Variants in ERAP1 observed in about 807,000 individuals in gnomAD.
ERAP1 encodes endoplasmic reticulum aminopeptidase 1, also known as adipocyte-derived leucine aminopeptidase.
Under a neutral mutation model 103.7 loss-of-function variants are expected in ERAP1, and 86 were observed. The observed-to-expected ratio is 0.83, with a 90% CI of 0.70 to 0.99. ERAP1 has a LOEUF of 0.99. Ranked by LOEUF, ERAP1 falls within the 50% of genes least tolerant of loss-of-function variation. ERAP1 has a pLI of 0.00. For synonymous variants in ERAP1, 398 were observed against 402.4 expected (o/e 0.99, Z 0.13); for missense variants, 1,009 against 1,128.4 (o/e 0.89, Z 1.52).
intron 19 of ERAP1, chr5:96,768,149 T>G: frequency 1.5e-6 from 1 of 667,132 alleles, no homozygotes; most frequent in Non-Finnish European, 2.7e-6. Context: ...AGTGGTGTGA[T>G]CTCAGCTTAC....
chr5:96,934,056 A>C, the ERAP1 span: 1 of 152,338 alleles, frequency 6.6e-6, no homozygotes, highest in African/African-American at 2.4e-5. Context: ...GCAGCAGTGG[A>C]AGTGAACTCT....
At position 96,803,496 on chromosome 5, in the gene ERAP1, G is replaced by A. The variant is rs140515309; in HGVS notation, c.431C>T (p.Pro144Leu). ...LAPEPLLVGL[P>L]YTVVIHYAGN... ...AGCATAGTGAATGACAACTGTGTAC[G>A]GGAGCCCGACAAGGAGGGGCTCGGG... Residue 144 changes from proline (P) to leucine (L), a missense_variant, in exon 2 of 19, where the codon CCG (proline) becomes CTG (leucine). Pro to Leu is a moderately conservative substitution (Grantham distance 98, BLOSUM62 -3). This residue lies in a region of ERAP1 where 392 missense variants were observed against 455.2 expected (regional missense o/e 0.86). Coordinates refer to ENST00000443439, the MANE Select transcript of ERAP1 (RefSeq NM_001040458.3). The A allele has an allele frequency of 1.5e-5, 24 of 1,613,362 alleles. No individual in the cohort carries two copies. The highest frequency in any genetic ancestry group is 1.1e-4 in the African/African-American group (8 of 74,834).
intron 1 of ERAP1, among the ~76,000 whole-genome samples, chr5:96,805,115 C>G (rs1435172843): frequency 6.6e-6 from 1 of 151,974 alleles, no homozygotes; most frequent in Admixed American, 6.6e-5. Context: ...TCCTCGTGTT[C>G]CAGTTGGGAA....
Position 96,781,040 on chromosome 5 carries a change from A to G in ERAP1, c.2588+18T>C. On this transcript the variant is annotated intron_variant, in intron 17 of 18. Transcript: ENST00000443439. ...TATGAACTTATCCAGTCACAGCACA[A>G]TTTTTGGCACCACTTACTTTTGTAC... The G allele has an allele frequency of 1.2e-6, 2 of 1,613,996 alleles. No homozygotes were observed. The highest frequency in any genetic ancestry group is 3.3e-5 in the Admixed American group (2 of 59,998).
chr5:96,761,037 G>A (rs574495631), exon 20 of ERAP1: 26 of 152,086 alleles, frequency 1.7e-4, no homozygotes, highest in African/African-American at 6.0e-4. Context: ...TCAAAGCATA[G>A]ATCAATGAAA....
At chr5:96,849,675 CATACTACCCA>C in the ERAP1 span, among the ~76,000 whole-genome samples, 2 of 152,026 alleles carry the variant, frequency 1.3e-5, no homozygotes, top group Non-Finnish European at 2.9e-5. Context: ...TTAAAATGTC[CATACTACCCA>C]AAATGATCTA....
chr5:96,828,751 G>C, the ERAP1 span, among the ~76,000 whole-genome samples: 3 of 152,114 alleles, frequency 2.0e-5, no homozygotes, highest in Non-Finnish European at 1.5e-5. Flanking sequence ...GATGAGTGAG[G>C]GGTCTGGAGA....
At chr5:96,933,957 A>T in the ERAP1 span, among the ~76,000 whole-genome samples, 1 of 152,210 alleles carries the variant, frequency 6.6e-6, no homozygotes, top group African/African-American at 2.4e-5. Flanking sequence ...TTAGGGAGAT[A>T]GCAGCTCTGA....
At chr5:96,903,886 A>G in the ERAP1 span, among the ~76,000 whole-genome samples, 2 of 152,132 alleles carry the variant, frequency 1.3e-5, no homozygotes, top group Non-Finnish European at 2.9e-5. Context: ...CAGTGGGCCA[A>G]ACTCTCTTTA....
the ERAP1 span, chr5:96,822,930 G>C: frequency 2.5e-6 from 1 of 400,888 alleles, no homozygotes; most frequent in Non-Finnish European, 5.1e-6. Context: ...CAGGGATACA[G>C]TCTCACCTGA....
At chr5:96,926,748 T>C in the ERAP1 span, among the ~76,000 whole-genome samples, 3 of 152,202 alleles carry the variant, frequency 2.0e-5, no homozygotes, top group African/African-American at 7.2e-5. Context: ...TTGATGGACG[T>C]TTGTGTTGTT....
chr5:96,904,280 C>G, the ERAP1 span, among the ~76,000 whole-genome samples: 1 of 152,272 alleles, frequency 6.6e-6, no homozygotes, highest in African/African-American at 2.4e-5. Flanking sequence ...ACAAGATCAC[C>G]AATGGCTGGA....
chr5:96,873,328 C>T, the ERAP1 span: 1 of 456,106 alleles, frequency 2.2e-6, no homozygotes, highest in African/African-American at 2.0e-5. Flanking sequence ...CTGATAGGTG[C>T]TAGAAAGAGG....
chr5:96,789,486 C>A (rs201454418), intron 10 of ERAP1, among the ~76,000 whole-genome samples: 15 of 147,080 alleles, frequency 1.0e-4, no homozygotes, highest in African/African-American at 1.5e-4. Flanking sequence ...GACTCTGTCT[C>A]AAAAAAAAAA....
At chr5:96,813,380 C>T in the ERAP1 span, among the ~76,000 whole-genome samples, 194 of 152,138 alleles carry the variant, frequency 1.3e-3, no homozygotes, top group African/African-American at 4.4e-3. Context: ...CTAGGCCAGG[C>T]GCGGTGGCTC....
At chr5:96,915,108 A>G in the ERAP1 span, among the ~76,000 whole-genome samples, 1 of 152,034 alleles carries the variant, frequency 6.6e-6, no homozygotes, top group Admixed American at 6.5e-5. Flanking sequence ...CCCGGGTTCA[A>G]GTGACTCTCC....
the ERAP1 span, chr5:96,896,482 T>C: frequency 1.2e-6 from 2 of 1,613,434 alleles, no homozygotes; most frequent in Non-Finnish European, 1.7e-6. Context: ...CAGGAAATGT[T>C]TGATGAAGTT....
chr5:96,889,330 T>C, the ERAP1 span: 165 of 1,613,530 alleles, frequency 1.0e-4, 2 homozygotes, highest in Middle Eastern at 1.3e-3. Flanking sequence ...CACATTATTG[T>C]CTTCATTTTT....
the ERAP1 span, among the ~76,000 whole-genome samples, chr5:96,888,819 T>C: frequency 1.3e-5 from 2 of 152,194 alleles, no homozygotes; most frequent in Non-Finnish European, 2.9e-5. Flanking sequence ...TTGAATTGTG[T>C]TTGTGGTCAT....
Sources: allele counts gnomAD v4.1 joint callset (sites outside exome capture counted in the v4.1 genomes callset), GRCh38; gene constraint gnomAD v4.1.1; regional missense constraint gnomAD v4.1.1; transcripts MANE v1.5; gene names NCBI Gene and HGNC (gene_info 2026-07-23, HGNC 2026-07-21).